GRIN2A: variants seen among roughly 807,000 people sequenced by gnomAD.
GRIN2A encodes glutamate receptor ionotropic, NMDA 2A.
A neutral mutation model predicts 113.4 loss-of-function variants in GRIN2A; 22 were observed. The observed-to-expected ratio is 0.19, with a 90% CI of 0.14 to 0.28. The LOEUF (loss-of-function observed/expected upper bound fraction) is 0.28. Among genes scored for constraint, GRIN2A ranks in the 10% least tolerant of loss-of-function variants. GRIN2A has a pLI of 1.00. For missense variants in GRIN2A, 1,502 were observed against 1,887.0 expected (o/e 0.80, Z 3.78); for synonymous variants, 827 against 738.4 (o/e 1.12, Z -1.94).
chr16:9,783,192 T>C (rs1342099733), intron 11 of GRIN2A, among the ~76,000 whole-genome samples: 1 of 152,178 alleles, frequency 6.6e-6, no homozygotes, highest in Non-Finnish European at 1.5e-5. Flanking sequence ...GTGGGAGCAA[T>C]AATGAAATCC....
chr16:10,108,455 T>C (rs537151296), intron 2 of GRIN2A, among the ~76,000 whole-genome samples: 2 of 152,264 alleles, frequency 1.3e-5, no homozygotes, highest in South Asian at 4.2e-4. Context: ...AGCCAAACCA[T>C]ATCATTGGGT....
chr16:10,014,228 A>G (rs1042951831), intron 2 of GRIN2A, among the ~76,000 whole-genome samples: 1 of 152,222 alleles, frequency 6.6e-6, no homozygotes, highest in African/African-American at 2.4e-5. Flanking sequence ...GGTCATTTTC[A>G]TATGGCTGGA....
chr16:9,927,031 T>G (rs1273898809), intron 3 of GRIN2A, among the ~76,000 whole-genome samples: 1 of 152,190 alleles, frequency 6.6e-6, no homozygotes, highest in Admixed American at 6.5e-5. Flanking sequence ...TCTGGCTCCA[T>G]TTTACATTAC....
chr16:10,077,102 G>A (rs2047887700), intron 2 of GRIN2A, among the ~76,000 whole-genome samples: 3 of 152,116 alleles, frequency 2.0e-5, no homozygotes, highest in African/African-American at 7.2e-5. Flanking sequence ...GATGGAGGAA[G>A]CGACCACAAG....
chr16:9,891,515 T>C (rs1339783807), intron 3 of GRIN2A, among the ~76,000 whole-genome samples: 1 of 152,252 alleles, frequency 6.6e-6, no homozygotes, highest in Non-Finnish European at 1.5e-5. Context: ...GCATTTGCTA[T>C]ATGTCAGGAC....
intron 2 of GRIN2A, among the ~76,000 whole-genome samples, chr16:10,028,243 TA>T (rs2046858518): frequency 6.6e-6 from 1 of 152,196 alleles, no homozygotes; most frequent in Non-Finnish European, 1.5e-5. Flanking sequence ...AGTGTTTTGT[TA>T]AATTCCCCCA....
Position 9,841,251 on chromosome 16 carries a change from T to C in GRIN2A, c.1329-147A>G. ...TTCCCAAGGACACACTGTGAGTACA[T>C]GACAGCAAAAGCAGAAAGTGTCCTT... is the stretch of plus-strand genomic sequence containing the variant. On this transcript the variant is annotated intron_variant, in intron 5 of 12. Coordinates refer to ENST00000330684, the MANE Select transcript of GRIN2A (RefSeq NM_001134407.3). The C allele has an allele frequency of 6.9e-6, 5 of 723,116 alleles. No individual in the cohort carries two copies. The South Asian group carries it at 7.5e-5, about 11-fold the overall frequency. 44.8% of individuals were successfully genotyped at this position (723,116 alleles called of 1,614,324 possible).
intron 3 of GRIN2A, among the ~76,000 whole-genome samples, chr16:9,916,412 G>A (rs2044251344): frequency 6.6e-6 from 1 of 152,116 alleles, no homozygotes; most frequent in Non-Finnish European, 1.5e-5. Context: ...CATACACCCT[G>A]AATCTGCCGG....
At chr16:9,792,733 A>G (rs1902691163) in intron 11 of GRIN2A, among the ~76,000 whole-genome samples, 1 of 152,234 alleles carries the variant, frequency 6.6e-6, no homozygotes, top group Admixed American at 6.5e-5. Context: ...GAGTTTAAAA[A>G]TAAATCCACA....
In GRIN2A at chr16:9,936,920, G is replaced by A. The variant is rs73504609; in HGVS notation, c.1007+1039C>T. Reference sequence around the variant, plus strand: ...TATAAATTGGTGTTGTTACTTTGCAGGACAATCTGGCAATAGATGCTTCCA... The same window carrying A: ...TATAAATTGGTGTTGTTACTTTGCAAGACAATCTGGCAATAGATGCTTCCA... On this transcript the variant is annotated intron_variant, in intron 3 of 12. Transcript: ENST00000330684. Among the ~76,000 whole-genome samples, 1,407 of 152,234 alleles carry A rather than the reference G, an allele frequency of 9.2e-3. 19 individuals carry two copies. The highest frequency in any genetic ancestry group is 0.032 in the African/African-American group (1,342 of 41,538).
At chr16:9,811,413 A>C (rs992073995) in intron 10 of GRIN2A, among the ~76,000 whole-genome samples, 3 of 152,198 alleles carry the variant, frequency 2.0e-5, no homozygotes, top group African/African-American at 7.2e-5. Context: ...GAGTTGAATC[A>C]GGAGGAAATG....
At chr16:10,046,244 C>A (rs1160022704) in intron 2 of GRIN2A, among the ~76,000 whole-genome samples, 2 of 151,982 alleles carry the variant, frequency 1.3e-5, no homozygotes, top group Non-Finnish European at 2.9e-5. Context: ...GTGTCTCTTT[C>A]TGGTTGCTGG....
At chr16:9,774,915 G>C (rs554588280) in intron 11 of GRIN2A, among the ~76,000 whole-genome samples, 1 of 152,232 alleles carries the variant, frequency 6.6e-6, no homozygotes, top group Non-Finnish European at 1.5e-5. Flanking sequence ...TTCCAAGAAC[G>C]CAAGTCCAGG....
At chr16:10,089,118 G>T (rs946318839) in intron 2 of GRIN2A, among the ~76,000 whole-genome samples, 1 of 152,118 alleles carries the variant, frequency 6.6e-6, no homozygotes, top group African/African-American at 2.4e-5. Context: ...AATAATGCCT[G>T]GCACAAAGTA....
At chr16:10,015,734 T>C (rs760682421) in intron 2 of GRIN2A, among the ~76,000 whole-genome samples, 15 of 152,210 alleles carry the variant, frequency 9.9e-5, no homozygotes, top group Non-Finnish European at 1.9e-4. Context: ...TACGAGGTGA[T>C]GGCAACTGCA....
chr16:9,893,885 G>C (rs1405188200), intron 3 of GRIN2A, among the ~76,000 whole-genome samples: 1 of 152,216 alleles, frequency 6.6e-6, no homozygotes, highest in African/African-American at 2.4e-5. Context: ...AAGTCTTATA[G>C]ATACAGAAAT....
intron 2 of GRIN2A, among the ~76,000 whole-genome samples, chr16:10,026,513 C>T (rs1229295554): frequency 1.4e-5 from 2 of 143,738 alleles, no homozygotes; most frequent in African/African-American, 5.5e-5. Context: ...AAAGAAAGTC[C>T]TTCCTAAATT....
chr16:10,017,692 C>T (rs183509530), intron 2 of GRIN2A, among the ~76,000 whole-genome samples: 2 of 152,224 alleles, frequency 1.3e-5, no homozygotes, highest in East Asian at 3.9e-4. Context: ...ATAACCAGGA[C>T]TGCAAGTACA....
At chr16:9,795,994 C>T (rs1387354981) in intron 11 of GRIN2A, among the ~76,000 whole-genome samples, 3 of 152,162 alleles carry the variant, frequency 2.0e-5, no homozygotes, top group Admixed American at 1.3e-4. Context: ...GGGATTTGCC[C>T]TCTGAGATTC....
Sources: gnomAD v4.1 joint callset for allele counts (sites outside exome capture counted in the v4.1 genomes callset) on GRCh38, gnomAD v4.1.1 for gene constraint, MANE v1.5 for transcripts, NCBI Gene and HGNC (gene_info 2026-07-23, HGNC 2026-07-21) for gene names.